AOAH: variants seen among roughly 807,000 people sequenced by gnomAD.
AOAH encodes acyloxyacyl hydrolase, also known as acyloxyacyl hydrolase (neutrophil).
A neutral mutation model predicts 92.2 loss-of-function variants in AOAH; 64 were observed. The observed-to-expected ratio is 0.69, with a 90% CI of 0.57 to 0.86. The LOEUF is 0.86. Ranked by LOEUF, AOAH falls within the 40% of genes least tolerant of loss-of-function variation. The probability of loss-of-function intolerance (pLI) is 0.00; values close to 1 mark genes in which losing one functional copy is unlikely to be tolerated. For missense variants in AOAH, 656 were observed against 694.6 expected, an observed-to-expected ratio of 0.94 and a Z score of 0.62; for synonymous variants, 263 against 254.5, an observed-to-expected ratio of 1.03 and a Z score of -0.32.
At chr7:36,690,564 A>G (rs1164954119) in intron 1 of AOAH, among the ~76,000 whole-genome samples, 1 of 152,214 alleles carries the variant, frequency 6.6e-6, no homozygotes, top group Non-Finnish European at 1.5e-5. Flanking sequence ...TTTTCCTGGG[A>G]GAGATGCACG....
intron 4 of AOAH, among the ~76,000 whole-genome samples, chr7:36,639,350 T>A (rs1665737663): frequency 1.3e-5 from 2 of 152,168 alleles, no homozygotes; most frequent in Admixed American, 6.5e-5. Flanking sequence ...CATTTTAAAA[T>A]GTGAAGGTGG....
chr7:36,533,900 G>A (rs1001946995), intron 16 of AOAH, among the ~76,000 whole-genome samples: 10 of 152,160 alleles, frequency 6.6e-5, no homozygotes, highest in Admixed American at 2.6e-4. Flanking sequence ...GGCTGCTTTT[G>A]CCTTGGTGCC....
intron 1 of AOAH, among the ~76,000 whole-genome samples, chr7:36,715,083 C>A (rs1267940123): frequency 2.0e-5 from 3 of 152,162 alleles, no homozygotes; most frequent in African/African-American, 7.2e-5. Context: ...AAAACCCCAT[C>A]ATCTCTGCCC....
In AOAH at chr7:36,565,198, T is replaced by G. The variant is rs202210384; in HGVS notation, c.1021+11376A>C. ...TCAAAAATTGGTACCAGAATCTGTCTCTGTCACCTCTGTCATCTGTTGCTG... is the reference window on the plus strand; with the variant it reads ...TCAAAAATTGGTACCAGAATCTGTCGCTGTCACCTCTGTCATCTGTTGCTG... On this transcript the variant is annotated intron_variant, in intron 13 of 20. Coordinates refer to ENST00000617537, the MANE Select transcript of AOAH (RefSeq NM_001637.4). 1.2e-4 allele frequency among the ~76,000 whole-genome samples: 19 copies of G among 152,342 alleles called. No individual in the cohort carries two copies. The East Asian group carries it at 3.5e-3, about 28-fold the overall frequency.
chr7:36,540,374 G>A lies in AOAH; in HGVS notation c.1251C>T (p.Gly417=), dbSNP rs149685289. The A allele has an allele frequency of 1.2e-4, 200 of 1,613,902 alleles. No homozygotes were observed. Among genetic ancestry groups the A allele is most frequent in the Non-Finnish European group, 1.5e-4 (180 of 1,179,944 alleles). ...LPNGSHVILY[G]LPDGTFLWDN... Reference sequence around the variant, plus strand: ...CCCAGAGAAAGGTTCCATCTGGTAAGCCATACAAAATAACATGGCTGCCAT... The same window carrying A: ...CCCAGAGAAAGGTTCCATCTGGTAAACCATACAAAATAACATGGCTGCCAT... The change falls in exon 16 of 21, where the codon GGC becomes GGT. Residue 417 remains glycine (G), a synonymous_variant. Transcript: ENST00000617537.
Position 36,684,810 on chromosome 7 carries a change from G to C in AOAH, c.223+1889C>G, listed in dbSNP as rs183181695. On this transcript the variant is annotated intron_variant, in intron 2 of 20. Coordinates refer to ENST00000617537, the MANE Select transcript of AOAH (RefSeq NM_001637.4). ...GTGATGCTGTGAGCCTGTAGTCTTA[G>C]ATCCTTGGGAGGCTGAAGCAGGAGG... 2.8e-5 allele frequency among the ~76,000 whole-genome samples: 4 copies of C among 144,068 alleles called. No homozygotes were observed. In the East Asian group the frequency reaches 8.9e-4, roughly 32 times the overall value. The allele number at this position is 144,068 out of a possible 152,430, so 94.5% of individuals were successfully genotyped here.
intron 1 of AOAH, among the ~76,000 whole-genome samples, chr7:36,712,739 G>T (rs936732213): frequency 2.6e-5 from 4 of 152,096 alleles, no homozygotes; most frequent in Admixed American, 2.0e-4. Context: ...CTAAGCTTCA[G>T]AAGTGAAGGA....
rs1792224292 is a variant in AOAH, at chr7:36,620,813, C to T, written c.670G>A (p.Val224Ile). The T allele has an allele frequency of 6.2e-7, 1 of 1,613,822 alleles. No homozygotes were observed. The highest frequency in any genetic ancestry group is 8.5e-7 in the Non-Finnish European group (1 of 1,179,906). The change falls in exon 9 of 21, where the codon GTC becomes ATC. Residue 224 changes from valine (V) to isoleucine (I), a missense_variant. Val to Ile is a conservative substitution (Grantham distance 29). Transcript: ENST00000617537. ...CCATTACAGTTTGAATCCTGATGGA[C>T]ATCCCAGTTGTTCGGCCTAAGAAAA... ...YPGRRPNNWD[V>I]HQDSNCNGIW...
Position 36,668,962 on chromosome 7 carries a change from G to A in AOAH, c.290+4981C>T, listed in dbSNP as rs1584074119. On this transcript the variant is annotated intron_variant, in intron 3 of 20. Transcript: ENST00000617537. Reference sequence around the variant, plus strand: ...CAGCTATAGAAGTGTACAGAGTGCAGCATGCAGGAAGGGCAGGGCTTCAAC... The same window carrying A: ...CAGCTATAGAAGTGTACAGAGTGCAACATGCAGGAAGGGCAGGGCTTCAAC... Among the ~76,000 whole-genome samples, 6 of 152,366 alleles carry A rather than the reference G, an allele frequency of 3.9e-5. 1 individual carries two copies. Among genetic ancestry groups the A allele is most frequent in the Admixed American group, 3.9e-4 (6 of 15,312 alleles).
At chr7:36,605,464 C>G (rs529093132) in intron 11 of AOAH, among the ~76,000 whole-genome samples, 1 of 152,100 alleles carries the variant, frequency 6.6e-6, no homozygotes, top group Non-Finnish European at 1.5e-5. Context: ...AAGAGATTGT[C>G]CTCTAGTTGC....
At chr7:36,552,625 G>A (rs1411704366) in intron 13 of AOAH, among the ~76,000 whole-genome samples, 3 of 152,290 alleles carry the variant, frequency 2.0e-5, no homozygotes, top group South Asian at 2.1e-4. Context: ...CACCAACAGC[G>A]TAAAAGCATT....
At chr7:36,545,516 T>G (rs544404786) in intron 15 of AOAH, among the ~76,000 whole-genome samples, 1 of 152,170 alleles carries the variant, frequency 6.6e-6, no homozygotes, top group African/African-American at 2.4e-5. Context: ...CTTAATTCAG[T>G]GCTGGTCAAC....
intron 3 of AOAH, among the ~76,000 whole-genome samples, chr7:36,664,731 A>G (rs558177059): frequency 3.9e-4 from 60 of 152,300 alleles, no homozygotes; most frequent in African/African-American, 1.4e-3. Flanking sequence ...AAAATACTTG[A>G]GGCTGGGCAA....
intron 19 of AOAH, among the ~76,000 whole-genome samples, chr7:36,523,463 C>A (rs1159277782): frequency 6.6e-6 from 1 of 152,114 alleles, no homozygotes; most frequent in Non-Finnish European, 1.5e-5. Flanking sequence ...AGAGCTGCAT[C>A]GATGCTTAAA....
At chr7:36,655,936 A>G (rs1584043207) in intron 4 of AOAH, among the ~76,000 whole-genome samples, 2 of 152,136 alleles carry the variant, frequency 1.3e-5, no homozygotes, top group East Asian at 3.9e-4. Flanking sequence ...TAAGAGGGCT[A>G]TCTAATAGGG....
intron 1 of AOAH, among the ~76,000 whole-genome samples, chr7:36,697,979 C>T (rs1797822695): frequency 6.6e-6 from 1 of 152,108 alleles, no homozygotes; most frequent in Non-Finnish European, 1.5e-5. Flanking sequence ...AAGAGGTGGA[C>T]ACCTAAGTGC....
At chr7:36,695,860 G>A (rs1185076433) in intron 1 of AOAH, among the ~76,000 whole-genome samples, 1 of 152,138 alleles carries the variant, frequency 6.6e-6, no homozygotes, top group Non-Finnish European at 1.5e-5. Context: ...AAGAATCTTT[G>A]CCTCATTCAA....
At chr7:36,514,766 C>A in intron 20 of AOAH, 1 of 570,558 alleles carries the variant, frequency 1.8e-6, no homozygotes. Flanking sequence ...TGACTTTTCC[C>A]CACAGGGCAG....
rs1209816896 is a variant in AOAH, at chr7:36,632,038, T to C, written c.519A>G (p.Lys173=). 1.9e-6 allele frequency: 3 copies of C among 1,611,060 alleles called. No individual in the cohort carries two copies. In the African/African-American group the frequency reaches 4.0e-5, roughly 22 times the overall value. ...PVLAKICQKI[K]LAMEQSVPFK... ...GAAGGTAGAAATTGTATACATACAA[T>C]TTAATTTTCTGGCAGATCTTGGCCA... is the stretch of plus-strand genomic sequence containing the variant. Residue 173 remains lysine, a splice_region_variant and synonymous_variant, in exon 6 of 21, where the codon AAA becomes AAG. Coordinates refer to ENST00000617537, the MANE Select transcript of AOAH (RefSeq NM_001637.4).
Sources: gnomAD v4.1 joint callset for allele counts (sites outside exome capture counted in the v4.1 genomes callset) on GRCh38, gnomAD v4.1.1 for gene constraint, MANE v1.5 for transcripts, NCBI Gene and HGNC (gene_info 2026-07-23, HGNC 2026-07-21) for gene names.